The following PAPPA2 variants were observed in gnomAD, a reference collection of about 807,000 sequenced individuals.
PAPPA2 encodes the protein pappalysin 2.
Under a neutral mutation model 176.4 loss-of-function variants are expected in PAPPA2, and 86 were observed. The ratio of observed to expected loss-of-function variants is 0.49; its 90% confidence interval spans 0.41 to 0.58. The LOEUF (loss-of-function observed/expected upper bound fraction) is 0.58. PAPPA2 is among the 20% of genes least tolerant of loss of function. The pLI is 0.00. For missense variants in PAPPA2, 2,073 were observed against 2,256.9 expected, an observed-to-expected ratio of 0.92 and a Z score of 1.65; for synonymous variants, 809 against 852.2, an observed-to-expected ratio of 0.95 and a Z score of 0.88.
chr1:176,606,339 G>T (rs1654610099), intron 3 of PAPPA2, among the ~76,000 whole-genome samples: 1 of 152,130 alleles, frequency 6.6e-6, no homozygotes, highest in Non-Finnish European at 1.5e-5. Context: ...GCTGATAGTG[G>T]ATAAAAACTA....
Position 176,557,251 on chromosome 1 carries a change from T to A in PAPPA2, c.919+10T>A, listed in dbSNP as rs1651373855. On this transcript the variant is annotated intron_variant, in intron 2 of 22. Transcript: ENST00000367662. The stretch of plus-strand genomic sequence containing the variant: ...CCAGCCATCATCGCAGGTAACACCC[T>A]TCTCCTGGGCTTTCTGAAATCCTGA... The A allele has an allele frequency of 6.4e-7, 1 of 1,561,774 alleles. No homozygotes were observed. The highest frequency in any genetic ancestry group is 8.7e-7 in the Non-Finnish European group (1 of 1,153,954).
In PAPPA2 at chr1:176,736,906, C is replaced by T. The variant is rs1053098858; in HGVS notation, c.3799-2720C>T. Among the ~76,000 whole-genome samples the T allele has an allele frequency of 2.0e-5, 3 of 151,818 alleles. No individual in the cohort carries two copies. In the East Asian group the frequency reaches 5.8e-4, roughly 29 times the overall value. ...TCCATGGAAGCAGATCTTGGAATAC[C>T]AGTTCACATTTCTACAAGTATCAAC... On this transcript the variant is annotated intron_variant, in intron 12 of 22. Transcript: ENST00000367662.
chr1:176,614,714 C>T (rs902051999), intron 3 of PAPPA2, among the ~76,000 whole-genome samples: 2 of 152,124 alleles, frequency 1.3e-5, no homozygotes, highest in Admixed American at 1.3e-4. Context: ...TCTCACACTA[C>T]ATTTTTACAA....
intron 2 of PAPPA2, among the ~76,000 whole-genome samples, chr1:176,582,709 G>A (rs1393644472): frequency 6.6e-6 from 1 of 151,904 alleles, no homozygotes; most frequent in Admixed American, 6.6e-5. Context: ...GATATTGGTA[G>A]GTAATTTTCT....
intron 1 of PAPPA2, among the ~76,000 whole-genome samples, chr1:176,514,314 A>G (rs1464748433): frequency 6.6e-6 from 1 of 152,126 alleles, no homozygotes; most frequent in Non-Finnish European, 1.5e-5. Context: ...AACAGCTCCC[A>G]TGGGAACTAA....
chr1:176,769,912 T>A, intron 16 of PAPPA2, 128 bp downstream of exon 16: 2 of 1,066,502 alleles, frequency 1.9e-6, no homozygotes, highest in Non-Finnish European at 2.6e-6. Flanking sequence ...CATCTTCTGA[T>A]AACTCCAGAA....
intron 1 of PAPPA2, among the ~76,000 whole-genome samples, chr1:176,503,668 C>G (rs1648090323): frequency 6.6e-6 from 1 of 152,128 alleles, no homozygotes; most frequent in African/African-American, 2.4e-5. Context: ...TGACCTTGTT[C>G]TTGTGCCATA....
chr1:176,542,630 CT>C (rs888773600), intron 1 of PAPPA2, among the ~76,000 whole-genome samples: 3 of 152,192 alleles, frequency 2.0e-5, no homozygotes, highest in African/African-American at 7.2e-5. Context: ...GAACTTCCCC[CT>C]GGCCCCTACT....
chr1:176,547,320 A>G (rs1286417544), intron 1 of PAPPA2, among the ~76,000 whole-genome samples: 1 of 152,166 alleles, frequency 6.6e-6, no homozygotes, highest in Non-Finnish European at 1.5e-5. Context: ...ACCCTAGGGC[A>G]TCATTTCATT....
chr1:176,702,708 C>T lies in PAPPA2; in HGVS notation c.3338C>T (p.Pro1113Leu), dbSNP rs1405323181. 1.1e-5 allele frequency: 18 copies of T among 1,586,072 alleles called. No homozygotes were observed. Among genetic ancestry groups the T allele is most frequent in the Non-Finnish European group, 1.5e-5 (17 of 1,164,280 alleles). Residue 1113 changes from proline to leucine, a missense_variant, in exon 9 of 23, where the codon CCT becomes CTT. Pro to Leu is a moderately conservative substitution (Grantham distance 98, BLOSUM62 -3). Coordinates refer to ENST00000367662, the MANE Select transcript of PAPPA2 (RefSeq NM_020318.3). ...SPPLNHIHGA[P>L]YCGDGKVSER... Reference sequence around the variant, plus strand: ...CCTCTGAACCACATTCATGGAGCTCCTTATTGTGGAGATGGGAAGGTGTCA... The same window carrying T: ...CCTCTGAACCACATTCATGGAGCTCTTTATTGTGGAGATGGGAAGGTGTCA...
At chr1:176,527,187 G>A (rs948290253) in intron 1 of PAPPA2, among the ~76,000 whole-genome samples, 2 of 152,166 alleles carry the variant, frequency 1.3e-5, no homozygotes, top group Non-Finnish European at 2.9e-5. Flanking sequence ...ATATTGTATC[G>A]AAGAAGAACA....
intron 2 of PAPPA2, among the ~76,000 whole-genome samples, chr1:176,581,381 A>C (rs1652949520): frequency 6.6e-6 from 1 of 152,100 alleles, no homozygotes; most frequent in Non-Finnish European, 1.5e-5. Flanking sequence ...GTAAATTTTA[A>C]AGTCTGGTGG....
At chr1:176,514,967 G>C (rs1648822151) in intron 1 of PAPPA2, among the ~76,000 whole-genome samples, 1 of 152,166 alleles carries the variant, frequency 6.6e-6, no homozygotes, top group Non-Finnish European at 1.5e-5. Context: ...AAGCATTGAG[G>C]AAGAGATCAC....
intron 1 of PAPPA2, among the ~76,000 whole-genome samples, chr1:176,538,940 G>T (rs570105256): frequency 6.6e-6 from 1 of 152,272 alleles, no homozygotes; most frequent in East Asian, 1.9e-4. Flanking sequence ...AACCTTTAAG[G>T]ATTATCCCTC....
intron 2 of PAPPA2, among the ~76,000 whole-genome samples, chr1:176,592,099 T>C (rs1653703383): frequency 1.3e-5 from 2 of 152,184 alleles, no homozygotes; most frequent in Non-Finnish European, 2.9e-5. Context: ...TGGCATTGAG[T>C]TAGAGAATTC....
chr1:176,617,626 G>A (rs1456275786), intron 3 of PAPPA2, among the ~76,000 whole-genome samples: 1 of 151,516 alleles, frequency 6.6e-6, no homozygotes, highest in Non-Finnish European at 1.5e-5. Flanking sequence ...CTTTTATATG[G>A]CTGAGTGGTA....
chr1:176,770,868 A>G, intron 16 of PAPPA2, 99 bp from the exon 17 acceptor site: 1 of 1,106,980 alleles, frequency 9.0e-7, no homozygotes, highest in Non-Finnish European at 1.3e-6. Flanking sequence ...TGACTTTTGA[A>G]AGGCACCAGT....
At chr1:176,698,169 T>C (rs1348996352) in intron 7 of PAPPA2, among the ~76,000 whole-genome samples, 1 of 152,208 alleles carries the variant, frequency 6.6e-6, no homozygotes, top group African/African-American at 2.4e-5. Context: ...TTTCCAAATT[T>C]TGAAGGGCTA....
chr1:176,532,909 C>G (rs1163999740), intron 1 of PAPPA2, among the ~76,000 whole-genome samples: 1 of 152,222 alleles, frequency 6.6e-6, no homozygotes, highest in African/African-American at 2.4e-5. Context: ...GCACCCTGCA[C>G]TAGGCTTCCA....
Sources: allele counts gnomAD v4.1 joint callset (sites outside exome capture counted in the v4.1 genomes callset), GRCh38; gene constraint gnomAD v4.1.1; transcripts MANE v1.5; gene names NCBI Gene and HGNC (gene_info 2026-07-23, HGNC 2026-07-21).